The following SMPDL3A variants were observed in gnomAD, a reference collection of about 807,000 sequenced individuals.
SMPDL3A encodes the protein sphingomyelin phosphodiesterase acid like 3A, also known as cyclic GMP-AMP phosphodiesterase SMPDL3A.
In SMPDL3A, 39 loss-of-function variants were observed where a neutral mutation model predicts 38.5. That is an observed-to-expected ratio of 1.01 (90% CI 0.78 to 1.32). SMPDL3A has a LOEUF of 1.32. SMPDL3A is among the 40% of genes most tolerant of loss of function. The probability of loss-of-function intolerance (pLI) is 0.00; values close to 1 mark genes in which losing one functional copy is unlikely to be tolerated. For synonymous variants in SMPDL3A, 180 were observed against 194.3 expected, an observed-to-expected ratio of 0.93 and a Z score of 0.61; for missense variants, 502 against 536.2, an observed-to-expected ratio of 0.94 and a Z score of 0.63.
chr6:122,802,297 T>C lies in SMPDL3A; in HGVS notation c.568+891T>C, dbSNP rs191911611. Among the ~76,000 whole-genome samples the C allele has an allele frequency of 3.5e-3, 523 of 151,366 alleles. 1 individual carries two copies. The highest frequency in any genetic ancestry group is 6.6e-3 in the Non-Finnish European group (449 of 67,844). ...GCTCACAGCAACCTCTGCCTCCTGGTTTCAAGCGATTCTCCTGCTGCAGCC... is the reference window on the plus strand; with the variant it reads ...GCTCACAGCAACCTCTGCCTCCTGGCTTCAAGCGATTCTCCTGCTGCAGCC... On this transcript the variant is annotated intron_variant, in intron 4 of 7. Coordinates refer to ENST00000368440, the MANE Select transcript of SMPDL3A (RefSeq NM_006714.5).
In SMPDL3A at chr6:122,803,543, C is replaced by T. The variant is rs1264360933; in HGVS notation, c.569-121C>T. 1.6e-5 allele frequency: 11 copies of T among 707,534 alleles called. No individual in the cohort carries two copies. The East Asian group carries it at 3.0e-4, about 19-fold the overall frequency. The allele number at this position is 707,534 out of a possible 1,614,324, so 43.8% of individuals were successfully genotyped here. A position where few individuals can be genotyped will look rare whatever the true frequency, so the allele number is the denominator to read the frequency against. On this transcript the variant is annotated intron_variant, in intron 4 of 7. Transcript: ENST00000368440. ...TAATGACAGCCTATCTATGTGCAAACTAAACAATGAGAAATAAGCACCAAC... is the reference window on the plus strand; with the variant it reads ...TAATGACAGCCTATCTATGTGCAAATTAAACAATGAGAAATAAGCACCAAC...
At chr6:122,798,047 CTG>C (rs36047002) in intron 3 of SMPDL3A, among the ~76,000 whole-genome samples, 22,553 of 152,158 alleles carry the variant, frequency 0.15, 1,823 homozygotes, top group Middle Eastern at 0.29. Flanking sequence ...TCACGCCTCT[CTG>C]TGTCCACATT....
intron 7 of SMPDL3A, among the ~76,000 whole-genome samples, chr6:122,808,641 TCCCCCCCTCCTCCCC>T (rs1781738543): frequency 2.6e-5 from 1 of 38,898 alleles, no homozygotes; most frequent in Admixed American, 2.5e-4. Flanking sequence ...CTTCCTTCCT[TCCCCCCCTCCTCCCC>T]CCTCCCTCCC....
Position 122,806,251 on chromosome 6 carries a change from T to A in SMPDL3A, c.938T>A (p.Leu313Ter). ...SDKKGSPVNS[L>*]FVAPAVTPVK... ...TGTTCAGGAAGTCCAGTAAATTCTTTGTTTGTGGCTCCTGCTGTTACACCA... is the reference window on the plus strand; with the variant it reads ...TGTTCAGGAAGTCCAGTAAATTCTTAGTTTGTGGCTCCTGCTGTTACACCA... The change falls in exon 7 of 8, where the codon TTG becomes TAG. Residue 313 changes from leucine (L) to a stop codon, truncating the protein, a stop_gained. Transcript: ENST00000368440. LOFTEE classifies it high-confidence loss of function. 6.2e-7 allele frequency: 1 copy of A among 1,612,858 alleles called. No individual in the cohort carries two copies. Among genetic ancestry groups the A allele is most frequent in the Non-Finnish European group, 8.5e-7 (1 of 1,179,270 alleles).
intron 6 of SMPDL3A, among the ~76,000 whole-genome samples, chr6:122,805,696 C>A (rs983483187): frequency 1.3e-5 from 2 of 152,206 alleles, no homozygotes; most frequent in African/African-American, 4.8e-5. Flanking sequence ...GATCTCGGCT[C>A]ACTGCAACCT....
At chr6:122,807,225 A>G (rs945213601) in intron 7 of SMPDL3A, among the ~76,000 whole-genome samples, 6 of 152,158 alleles carry the variant, frequency 3.9e-5, no homozygotes, top group African/African-American at 1.4e-4. Context: ...AAGGAAAAAA[A>G]TGGTAGCTCA....
intron 3 of SMPDL3A, among the ~76,000 whole-genome samples, chr6:122,800,731 CTT>C (rs56662349): frequency 6.8e-6 from 1 of 147,230 alleles, no homozygotes; most frequent in African/African-American, 2.5e-5. Context: ...TGGGCTACAC[CTT>C]TTTTGTTTGT....
chr6:122,809,173 A>G lies in SMPDL3A; in HGVS notation c.1127A>G (p.Gln376Arg), dbSNP rs1781766597. ...SIWKLEYILTQTYDIEDLQPE... is the reference protein window; with the variant it reads ...SIWKLEYILTRTYDIEDLQPE... ...TGGAAGCTGGAGTATATCCTGACCCAGACCTACGACATTGAAGATTTGCAG... is the reference window on the plus strand; with the variant it reads ...TGGAAGCTGGAGTATATCCTGACCCGGACCTACGACATTGAAGATTTGCAG... Residue 376 changes from glutamine to arginine, a missense_variant, in exon 8 of 8, where the codon CAG (glutamine) becomes CGG (arginine). Coordinates refer to ENST00000368440, the MANE Select transcript of SMPDL3A (RefSeq NM_006714.5). 3 of 1,614,072 alleles carry G rather than the reference A, an allele frequency of 1.9e-6. No individual in the cohort carries two copies. In the Admixed American group the frequency reaches 5.0e-5, roughly 27 times the overall value.
intron 1 of SMPDL3A, among the ~76,000 whole-genome samples, chr6:122,791,861 T>C (rs1014637418): frequency 6.6e-6 from 1 of 152,140 alleles, no homozygotes; most frequent in South Asian, 2.1e-4. Flanking sequence ...GCCTGGCTAA[T>C]TTTTTGTACT....
chr6:122,798,646 C>G (rs1374711086), intron 3 of SMPDL3A, among the ~76,000 whole-genome samples: 5 of 152,020 alleles, frequency 3.3e-5, no homozygotes, highest in Admixed American at 1.3e-4. Context: ...CAGCATCAGC[C>G]CTCAGTAAGT....
chr6:122,808,601 CCCTCCCTCCCTTCCTTCCTTCCTT>C (rs1382532766), intron 7 of SMPDL3A, among the ~76,000 whole-genome samples: 23 of 53,174 alleles, frequency 4.3e-4, no homozygotes, highest in East Asian at 2.7e-3. Context: ...CTTCCTCCCT[CCCTCCCTCCCTTCCTTCCTTCCTT>C]CCTTCCTTCC....
In SMPDL3A at chr6:122,809,300, A is replaced by T. The variant is rs1294560111; in HGVS notation, c.1254A>T (p.Val418=). Residue 418 remains valine (V), a synonymous_variant, in exon 8 of 8, where the codon GTA becomes GTT. Transcript: ENST00000368440. ...TCTTTGTGAGTTATGACAGCAGTGT[A>T]ACATGTGATAAGACATGTAAGGCCT... ...NYFFVSYDSS[V]TCDKTCKAFQ... is the part of the protein sequence containing the mutation. 6.2e-7 allele frequency: 1 copy of T among 1,612,090 alleles called. No individual in the cohort carries two copies. Among genetic ancestry groups the T allele is most frequent in the East Asian group, 2.2e-5 (1 of 44,864 alleles).
chr6:122,795,704 A>G lies in SMPDL3A; in HGVS notation c.140A>G (p.His47Arg). 1.2e-6 allele frequency: 2 copies of G among 1,614,192 alleles called. No homozygotes were observed. Among genetic ancestry groups the G allele is most frequent in the South Asian group, 1.1e-5 (1 of 91,086 alleles). ...CAGTTTTGGCATGTGACTGACTTACACTTAGACCCTACTTACCACATCACA... is the reference window on the plus strand; with the variant it reads ...CAGTTTTGGCATGTGACTGACTTACGCTTAGACCCTACTTACCACATCACA... ...IGQFWHVTDLHLDPTYHITDD... is the reference protein window; with the variant it reads ...IGQFWHVTDLRLDPTYHITDD... Residue 47 changes from histidine (H) to arginine (R), a missense_variant, in exon 2 of 8, where the codon CAC becomes CGC. His to Arg is a conservative substitution (Grantham distance 29, BLOSUM62 0). Coordinates refer to ENST00000368440, the MANE Select transcript of SMPDL3A (RefSeq NM_006714.5).
chr6:122,797,270 A>G (rs1781279062), intron 3 of SMPDL3A: 1 of 267,908 alleles, frequency 3.7e-6, no homozygotes, highest in African/African-American at 2.2e-5. Flanking sequence ...TCTTTTGAGT[A>G]ATGTTCTGGT....
rs1562357673 is a variant in SMPDL3A at position 122,808,605 on chromosome 6, C to CCTT, written c.1045-485_1045-484insTTC. On this transcript the variant is annotated intron_variant, in intron 7 of 7. Transcript: ENST00000368440. ...ATTGAGCCTCCCTTCCTCCCTCCCT[C>CCTT]CCTCCCTTCCTTCCTTCCTTCCTTC... Among the ~76,000 whole-genome samples the CCTT allele has an allele frequency of 9.8e-3, 635 of 64,762 alleles. 2 individuals are homozygous for CCTT. The highest frequency in any genetic ancestry group is 0.025 in the East Asian group (48 of 1,920). The allele number at this position is 64,762 out of a possible 152,430, so 42.5% of individuals were successfully genotyped here.
chr6:122,796,917 T>G lies in SMPDL3A; in HGVS notation c.420T>G (p.Phe140Leu), dbSNP rs145066926. ...TNMTTTIQSL[F>L]PNLQVFPALG... ...TGACAACCACCATCCAGAGTCTCTT[T>G]CCAAATCTCCAGGTTTTCCCTGCGC... The change falls in exon 3 of 8, where the codon TTT becomes TTG. Residue 140 changes from phenylalanine (F) to leucine (L), a missense_variant. Transcript: ENST00000368440. The G allele has an allele frequency of 7.7e-5, 125 of 1,613,594 alleles. No individual in the cohort carries two copies. The highest frequency in any genetic ancestry group is 9.9e-5 in the Non-Finnish European group (117 of 1,179,682).
Position 122,809,524 on chromosome 6 carries a change from C to A in SMPDL3A, c.*116C>A. ...TGGGCAAGTAGACTTCCTGTCTTTG[C>A]TTTCTTTTTTTTTTTCTTTTTGATG... On this transcript the variant is annotated 3_prime_UTR_variant, in exon 8 of 8. Coordinates refer to ENST00000368440, the MANE Select transcript of SMPDL3A (RefSeq NM_006714.5). 1.1e-5 allele frequency: 8 copies of A among 702,456 alleles called. 1 individual carries two copies. The South Asian group carries it at 1.7e-4, about 15-fold the overall frequency. 43.5% of individuals were successfully genotyped at this position (702,456 alleles called of 1,614,324 possible).
At chr6:122,789,520 G>A in intron 1 of SMPDL3A, 62 bp downstream of exon 1, 2 of 1,400,796 alleles carry the variant, frequency 1.4e-6, no homozygotes, top group Non-Finnish European at 2.0e-6. Flanking sequence ...CGGCGCCTGC[G>A]CACAGCAGGA....
At chr6:122,796,560 T>G (rs545526064) in intron 2 of SMPDL3A, among the ~76,000 whole-genome samples, 2 of 152,202 alleles carry the variant, frequency 1.3e-5, no homozygotes, top group Non-Finnish European at 2.9e-5. Context: ...TTATTGCAGT[T>G]TTTAGCCTCT....
Sources: gnomAD v4.1 joint callset for allele counts (sites outside exome capture counted in the v4.1 genomes callset) on GRCh38, gnomAD v4.1.1 for gene constraint, MANE v1.5 for transcripts, NCBI Gene and HGNC (gene_info 2026-07-23, HGNC 2026-07-21) for gene names.